Variants in KIF15 observed in about 807,000 individuals in gnomAD.
KIF15 encodes kinesin family member 15, also known as kinesin-like protein KIF15.
A neutral mutation model predicts 190.6 loss-of-function variants in KIF15; 140 were observed. The observed-to-expected ratio is 0.73, with a 90% CI of 0.64 to 0.84. The LOEUF is 0.84. Ranked by LOEUF, KIF15 falls within the 40% of genes least tolerant of loss-of-function variation. The probability of loss-of-function intolerance (pLI) is 0.00; values close to 1 mark genes in which losing one functional copy is unlikely to be tolerated. For missense variants in KIF15, 1,372 were observed against 1,584.4 expected (o/e 0.87, Z 2.28); for synonymous variants, 528 against 551.3 (o/e 0.96, Z 0.59).
rs138043992 is a variant in KIF15 at position 44,801,967 on chromosome 3, G to A, written c.1502G>A (p.Arg501Gln). ...TTAAGGAATGAGATTCAAACTCTGC[G>A]AGAACAAGTGAGTATACGGCATCTA... The part of the protein sequence containing the change: ...SELRNEIQTL[R>Q]EQIEHHPRVA... Residue 501 changes from arginine (R) to glutamine (Q), a missense_variant, in exon 13 of 35, where the codon CGA (arginine) becomes CAA (glutamine). By Grantham distance (43) the Arg-to-Gln change is conservative (BLOSUM62 1). Transcript: ENST00000326047. 9.4e-6 allele frequency: 15 copies of A among 1,603,600 alleles called. No homozygotes were observed. The highest frequency in any genetic ancestry group is 5.4e-5 in the African/African-American group (4 of 74,668).
At chr3:44,834,877 G>A (rs1171996904) in intron 26 of KIF15, among the ~76,000 whole-genome samples, 5 of 151,778 alleles carry the variant, frequency 3.3e-5, no homozygotes, top group Admixed American at 3.3e-4. Flanking sequence ...AGGTTGCAGT[G>A]AGCCAAGATC....
At chr3:44,791,302 G>T (rs1706686482) in intron 7 of KIF15, among the ~76,000 whole-genome samples, 1 of 151,986 alleles carries the variant, frequency 6.6e-6, no homozygotes, top group Admixed American at 6.6e-5. Flanking sequence ...ACTGTATTCT[G>T]TTCTGTTGAT....
intron 8 of KIF15, 82 bp from the exon 9 acceptor site, chr3:44,797,469 C>T: frequency 2.8e-6 from 4 of 1,429,788 alleles, no homozygotes; most frequent in Non-Finnish European, 2.9e-6. Flanking sequence ...CAGAATTTTC[C>T]TCTGCTAGAT....
intron 13 of KIF15, 149 bp from the exon 14 acceptor site, chr3:44,802,665 A>G (rs903210375): frequency 1.5e-6 from 1 of 686,022 alleles, no homozygotes; most frequent in Non-Finnish European, 2.4e-6. Flanking sequence ...AACTGATCAC[A>G]AATGCCAAGT....
At chr3:44,765,561 T>C (rs1217213798) in intron 1 of KIF15, among the ~76,000 whole-genome samples, 1 of 152,194 alleles carries the variant, frequency 6.6e-6, no homozygotes, top group Non-Finnish European at 1.5e-5. Context: ...ACTCCAGTAA[T>C]TGTTAGCTGA....
chr3:44,840,415 C>A lies in KIF15; in HGVS notation c.3379C>A (p.Gln1127Lys). ...GAATGAATATAACTTCAAAATGAGG[C>A]AACTAGAACATGTGATGGATTCTGC... is the stretch of plus-strand genomic sequence containing the variant. ...KKNEYNFKMRQLEHVMDSAAE... is the reference protein window; with the variant it reads ...KKNEYNFKMRKLEHVMDSAAE... Residue 1127 changes from glutamine to lysine, a missense_variant, in exon 28 of 35, where the codon CAA becomes AAA. Physicochemically the swap from Gln to Lys is moderately conservative, Grantham distance 53. Transcript: ENST00000326047. The A allele has an allele frequency of 6.2e-7, 1 of 1,610,178 alleles. No individual in the cohort carries two copies.
chr3:44,762,126 G>T (rs1705176007), intron 1 of KIF15, among the ~76,000 whole-genome samples: 1 of 152,194 alleles, frequency 6.6e-6, no homozygotes. Context: ...CTAGGCGCTC[G>T]GGATGAGCAG....
At chr3:44,826,291 G>A in intron 21 of KIF15, 84 bp from the exon 22 acceptor site, 1 of 1,544,980 alleles carries the variant, frequency 6.5e-7, no homozygotes, top group Non-Finnish European at 8.9e-7. Flanking sequence ...TGCCCACAGT[G>A]CCTGCCACAT....
At chr3:44,845,412 G>C (rs991437681) in intron 30 of KIF15, among the ~76,000 whole-genome samples, 2 of 152,108 alleles carry the variant, frequency 1.3e-5, no homozygotes, top group African/African-American at 4.8e-5. Flanking sequence ...AGCAGTTTTG[G>C]AGATGGTGGG....
chr3:44,809,255 T>C (rs1442046654), intron 16 of KIF15, among the ~76,000 whole-genome samples: 6 of 152,238 alleles, frequency 3.9e-5, no homozygotes, highest in African/African-American at 1.4e-4. Flanking sequence ...CATTTGTATA[T>C]CCTATTCCCT....
intron 10 of KIF15, among the ~76,000 whole-genome samples, chr3:44,799,754 T>TA (rs1707173718): frequency 7.5e-6 from 1 of 133,648 alleles, no homozygotes; most frequent in Admixed American, 7.7e-5. Context: ...TTTAGTGTGG[T>TA]AAAAAATTAA....
At chr3:44,844,041 C>A (rs1489307992) in intron 30 of KIF15, among the ~76,000 whole-genome samples, 2 of 152,114 alleles carry the variant, frequency 1.3e-5, no homozygotes, top group Non-Finnish European at 2.9e-5. Context: ...ATGATAGTGG[C>A]CTGTAAAATT....
At chr3:44,839,182 T>A (rs1408626518) in intron 27 of KIF15, among the ~76,000 whole-genome samples, 2 of 151,804 alleles carry the variant, frequency 1.3e-5, no homozygotes, top group South Asian at 2.1e-4. Flanking sequence ...CATCCTGGCT[T>A]ACACGGTGAA....
intron 6 of KIF15, among the ~76,000 whole-genome samples, chr3:44,867,204 C>T (rs911976849): frequency 6.6e-6 from 1 of 152,210 alleles, no homozygotes; most frequent in African/African-American, 2.4e-5. Flanking sequence ...GTCCCTACCT[C>T]TGTCCTGCTT....
chr3:44,780,948 C>T lies in KIF15; in HGVS notation c.361+26C>T, dbSNP rs376369492. 4.1e-5 allele frequency: 63 copies of T among 1,536,374 alleles called. No homozygotes were observed. The African/African-American group carries it at 7.7e-4, about 19-fold the overall frequency. ...GTAAGTAAAGATTAACTTTTGTTGG[C>T]TTAATCTACTCTTTCTGTGATAACA... is the stretch of plus-strand genomic sequence containing the variant. On this transcript the variant is annotated intron_variant, in intron 5 of 34. Coordinates refer to ENST00000326047, the MANE Select transcript of KIF15 (RefSeq NM_020242.3).
chr3:44,782,552 C>T (rs1706219566), intron 5 of KIF15, among the ~76,000 whole-genome samples: 1 of 152,196 alleles, frequency 6.6e-6, no homozygotes, highest in Non-Finnish European at 1.5e-5. Context: ...TTCTGATTCT[C>T]AGGCAGAGGG....
Position 44,815,081 on chromosome 3 carries a change from A to T in KIF15, c.2549+5A>T. On this transcript the variant is annotated splice_donor_5th_base_variant and intron_variant, in intron 20 of 34. Transcript: ENST00000326047. ...GCTTCAATTAGATAATCTCAGGTAG[A>T]GTTGTTCTTTTATGGTTTCAAGTTG... is the stretch of plus-strand genomic sequence containing the variant. 6.4e-7 allele frequency: 1 copy of T among 1,566,356 alleles called. No homozygotes were observed.
rs753445576 is a variant in KIF15, at chr3:44,805,845, G to T, written c.1830G>T (p.Arg610Ser). The change falls in exon 16 of 35, where the codon AGG becomes AGT. Residue 610 changes from arginine (R) to serine (S), a missense_variant and splice_region_variant. By Grantham distance (110) the Arg-to-Ser change is moderately radical. Coordinates refer to ENST00000326047, the MANE Select transcript of KIF15 (RefSeq NM_020242.3). ...TACTCCGTTTTACAATATCTATTAG[G>T]AAAAGGCAGCTAGAATTGGAATCAG... is the stretch of plus-strand genomic sequence containing the variant. ...QEYEEFKELT[R>S]KRQLELESEL... The T allele has an allele frequency of 3.3e-5, 53 of 1,612,056 alleles. No individual in the cohort carries two copies. Among genetic ancestry groups the T allele is most frequent in the Non-Finnish European group, 4.5e-5 (53 of 1,179,324 alleles).
intron 6 of KIF15, chr3:44,864,946 C>T: frequency 6.5e-7 from 1 of 1,539,040 alleles, no homozygotes; most frequent in East Asian, 2.3e-5. Flanking sequence ...CAGACCTTTC[C>T]TCCTGGCACC....
Sources: gnomAD v4.1 joint callset for allele counts (sites outside exome capture counted in the v4.1 genomes callset) on GRCh38, gnomAD v4.1.1 for gene constraint, MANE v1.5 for transcripts, NCBI Gene and HGNC (gene_info 2026-07-23, HGNC 2026-07-21) for gene names.